Variants in DLEU7 observed in about 807,000 individuals in gnomAD.
The protein encoded by DLEU7 is deleted in lymphocytic leukemia 7, also known as leukemia-associated protein 7.
DLEU7 carries 17 observed loss-of-function variants against 16.0 expected under a neutral mutation model. The observed-to-expected ratio is 1.06, with a 90% CI of 0.73 to 1.59. The LOEUF (loss-of-function observed/expected upper bound fraction) is 1.59, where lower values mean the gene tolerates loss of function less well. Among genes scored for constraint, DLEU7 ranks in the 40% most tolerant of loss-of-function variants. The pLI is 0.00. For synonymous variants in DLEU7, 113 were observed against 139.8 expected (o/e 0.81, Z 1.35); for missense variants, 308 against 314.9 (o/e 0.98, Z 0.17).
At chr13:50,732,690 A>T (rs750253037) in intron 1 of DLEU7, among the ~76,000 whole-genome samples, 1 of 151,956 alleles carries the variant, frequency 6.6e-6, no homozygotes, top group Non-Finnish European at 1.5e-5. Context: ...CCCAAAGGAA[A>T]AATGATCACA....
chr13:50,819,799 G>C (rs1205245690), downstream of DLEU7, among the ~76,000 whole-genome samples: 1 of 152,162 alleles, frequency 6.6e-6, no homozygotes, highest in East Asian at 1.9e-4. Flanking sequence ...TCCAAGTAGA[G>C]ATATTCTGTA....
At chr13:50,793,901 A>C (rs1197326727) in intron 1 of DLEU7, among the ~76,000 whole-genome samples, 2 of 152,094 alleles carry the variant, frequency 1.3e-5, no homozygotes, top group Non-Finnish European at 2.9e-5. Context: ...ATTGCCTTTG[A>C]GGACTTAGTT....
chr13:50,810,025 C>CTTT (rs5803534), intron 1 of DLEU7, among the ~76,000 whole-genome samples: 1 of 146,424 alleles, frequency 6.8e-6, no homozygotes, highest in African/African-American at 2.5e-5. Context: ...TGGGGTAGCA[C>CTTT]TTTTTTTTTT....
In DLEU7 at chr13:50,810,265, T is replaced by A. The variant is rs965450687; in HGVS notation, c.459+32923A>T. Among the ~76,000 whole-genome samples, 3 of 152,104 alleles carry A rather than the reference T, an allele frequency of 2.0e-5. No individual in the cohort carries two copies. The South Asian group carries it at 6.2e-4, about 32-fold the overall frequency. On this transcript the variant is annotated intron_variant, in intron 1 of 1. Coordinates refer to the DLEU7 transcript ENST00000400393. ...GTAGGCATTCACTCCTGAAGCTATT[T>A]TTCCCCCAGGTTTGGGATTTGGCCC...
Position 50,843,450 on chromosome 13 carries a change from T to A in DLEU7, c.197A>T (p.Glu66Val), listed in dbSNP as rs1327138183. The change falls in exon 1 of 2, where the codon GAG becomes GTG. Residue 66 changes from glutamate to valine, a missense_variant. Physicochemically the swap from Glu to Val is moderately radical, Grantham distance 121. Coordinates refer to ENST00000504404, the MANE Select transcript of DLEU7 (RefSeq NM_001306135.2). The surrounding 1 kb of genome is among the most constrained non-coding windows in gnomAD (Gnocchi z 5.7). ...PPRARPGPGR[E>V]ERGGGVGTRS... ...GGTCCCCACGCCCCCGCCCCGCTCC[T>A]CGCGCCCGGGCCCCGGCCGGGCCCG... is the stretch of plus-strand genomic sequence containing the variant. 8.3e-6 allele frequency: 11 copies of A among 1,318,902 alleles called. No homozygotes were observed. Among genetic ancestry groups the A allele is most frequent in the Non-Finnish European group, 9.6e-6 (10 of 1,041,702 alleles). The allele number at this position is 1,318,902 out of a possible 1,614,324, so 81.7% of individuals were successfully genotyped here. A position where few individuals can be genotyped will look rare whatever the true frequency, so the allele number is the denominator to read the frequency against.
chr13:50,749,897 C>A (rs1440282618), intron 1 of DLEU7, among the ~76,000 whole-genome samples: 1 of 152,116 alleles, frequency 6.6e-6, no homozygotes, highest in Non-Finnish European at 1.5e-5. Context: ...TGTCTGTTTA[C>A]TCTGACTGTT....
At chr13:50,784,523 C>T (rs1472966837) in intron 1 of DLEU7, among the ~76,000 whole-genome samples, 3 of 152,342 alleles carry the variant, frequency 2.0e-5, no homozygotes, top group South Asian at 4.1e-4. Context: ...GATGTTTGTG[C>T]CCCCAGATAA....
At chr13:50,715,337 G>A (rs1255634053) in intron 1 of DLEU7, 2 of 152,246 alleles carry the variant, frequency 1.3e-5, no homozygotes, top group Admixed American at 1.3e-4. Flanking sequence ...CTGTTGCCGT[G>A]TAATGTAAGC....
intron 1 of DLEU7, among the ~76,000 whole-genome samples, chr13:50,741,435 T>C (rs1252480179): frequency 6.6e-6 from 1 of 152,202 alleles, no homozygotes; most frequent in Non-Finnish European, 1.5e-5. Context: ...TCTAAATCTC[T>C]TGGGCTGGGC....
chr13:50,723,465 T>C (rs182693403), intron 1 of DLEU7, among the ~76,000 whole-genome samples: 1 of 151,802 alleles, frequency 6.6e-6, no homozygotes, highest in East Asian at 1.9e-4. Context: ...ATCTCAGGCT[T>C]CCATAACTAA....
intron 1 of DLEU7, among the ~76,000 whole-genome samples, chr13:50,775,050 C>T (rs767008933): frequency 3.5e-4 from 53 of 151,680 alleles, no homozygotes; most frequent in Non-Finnish European, 7.5e-4. Flanking sequence ...TAATTTTTGT[C>T]AATGTTAACG....
intron 1 of DLEU7, among the ~76,000 whole-genome samples, chr13:50,743,143 A>T (rs1484250656): frequency 6.6e-6 from 1 of 151,890 alleles, no homozygotes; most frequent in East Asian, 2.0e-4. Flanking sequence ...AAAAAGAGAG[A>T]GAGAGAGAGA....
At chr13:50,825,655 G>A (rs1289118414) in intron 1 of DLEU7, among the ~76,000 whole-genome samples, 1 of 152,132 alleles carries the variant, frequency 6.6e-6, no homozygotes, top group African/African-American at 2.4e-5. Context: ...TGGTAGCTTC[G>A]ATAAGGCCTT....
intron 1 of DLEU7, among the ~76,000 whole-genome samples, chr13:50,827,992 A>C (rs1006044531): frequency 1.3e-5 from 2 of 152,198 alleles, no homozygotes; most frequent in Non-Finnish European, 2.9e-5. Context: ...ACCAAAAAAA[A>C]TCATTATTTG....
intron 1 of DLEU7, among the ~76,000 whole-genome samples, chr13:50,748,739 GAGA>G (rs1489062057): frequency 2.0e-5 from 3 of 152,098 alleles, no homozygotes; most frequent in African/African-American, 4.8e-5. Context: ...GAAAGCAAGA[GAGA>G]AGAAGTGGAA....
intron 1 of DLEU7, among the ~76,000 whole-genome samples, chr13:50,762,623 G>A (rs761241454): frequency 4.6e-5 from 7 of 152,060 alleles, no homozygotes; most frequent in Non-Finnish European, 8.8e-5. Flanking sequence ...ATTAAATGGA[G>A]GAGAAAGAAA....
intron 1 of DLEU7, among the ~76,000 whole-genome samples, chr13:50,793,541 T>C (rs1448958889): frequency 6.6e-6 from 1 of 152,258 alleles, no homozygotes. Flanking sequence ...TTAACAAAAG[T>C]GATTCTGACT....
intron 1 of DLEU7, among the ~76,000 whole-genome samples, chr13:50,772,665 G>T (rs1299279820): frequency 6.6e-6 from 1 of 152,172 alleles, no homozygotes; most frequent in East Asian, 1.9e-4. Context: ...CCCTTTGTGG[G>T]TAACCCGACC....
In DLEU7 at chr13:50,806,976, CA is replaced by C. The variant is rs556761618; in HGVS notation, c.459+36211del. ...TGGGTGACAGAGCTAGACTCCCTCT[CA>C]AAAAAAAAAAAAAAAAAAAAAGTCG... On this transcript the variant is annotated intron_variant, in intron 1 of 1. Transcript: ENST00000400393. Among the ~76,000 whole-genome samples the C allele has an allele frequency of 5.9e-3, 322 of 54,186 alleles. 6 individuals are homozygous for C. The East Asian group carries it at 0.082, about 14-fold the overall frequency. The allele number at this position is 54,186 out of a possible 152,430, so 35.5% of individuals were successfully genotyped here.
Sources: gnomAD v4.1 joint callset for allele counts (sites outside exome capture counted in the v4.1 genomes callset) on GRCh38, gnomAD v4.1.1 for gene constraint, Gnocchi (gnomAD v3.1) non-coding constraint, MANE v1.5 for transcripts, NCBI Gene and HGNC (gene_info 2026-07-23, HGNC 2026-07-21) for gene names.